The following RBM46 variants were observed in gnomAD, a reference collection of about 807,000 sequenced individuals.
RBM46 encodes the protein RNA binding motif protein 46.
Under a neutral mutation model 43.3 loss-of-function variants are expected in RBM46, and 12 were observed. That is an observed-to-expected ratio of 0.28 (90% CI 0.18 to 0.45). The LOEUF (loss-of-function observed/expected upper bound fraction) is 0.45, where lower values mean the gene tolerates loss of function less well. Ranked by LOEUF, RBM46 falls within the 20% of genes least tolerant of loss-of-function variation. The pLI, the probability that RBM46 is intolerant of heterozygous loss-of-function variation, is 1.00. For synonymous variants in RBM46, 205 were observed against 207.6 expected, an observed-to-expected ratio of 0.99 and a Z score of 0.11; for missense variants, 412 against 639.1, an observed-to-expected ratio of 0.64 and a Z score of 3.83.
intron 4 of RBM46, among the ~76,000 whole-genome samples, chr4:154,808,633 A>G (rs1366794959): frequency 2.6e-5 from 4 of 151,974 alleles, no homozygotes; most frequent in Admixed American, 6.6e-5. Flanking sequence ...GTAGTTACGA[A>G]TTTATGAAAG....
chr4:154,815,567 C>A (rs1735395050), intron 4 of RBM46, among the ~76,000 whole-genome samples: 1 of 151,952 alleles, frequency 6.6e-6, no homozygotes, highest in South Asian at 2.1e-4. Context: ...CGATATTGAT[C>A]ATCTTAGGAG....
intron 4 of RBM46, among the ~76,000 whole-genome samples, chr4:154,806,712 CTAAT>C (rs1734925111): frequency 6.6e-6 from 1 of 151,756 alleles, no homozygotes; most frequent in African/African-American, 2.4e-5. Context: ...ATAATGACAA[CTAAT>C]TGTTTTTCAG....
intron 4 of RBM46, among the ~76,000 whole-genome samples, chr4:154,818,509 A>G (rs1735573404): frequency 6.6e-6 from 1 of 152,052 alleles, no homozygotes; most frequent in Non-Finnish European, 1.5e-5. Flanking sequence ...AGCTACTTCT[A>G]CTATTTTCTT....
At chr4:154,801,604 C>A (rs949461123) in intron 4 of RBM46, among the ~76,000 whole-genome samples, 1 of 152,180 alleles carries the variant, frequency 6.6e-6, no homozygotes, top group Non-Finnish European at 1.5e-5. Flanking sequence ...TGTGTCTGAT[C>A]TACCATGCTA....
At chr4:154,803,234 A>G (rs913653742) in intron 4 of RBM46, among the ~76,000 whole-genome samples, 5 of 152,144 alleles carry the variant, frequency 3.3e-5, no homozygotes. Flanking sequence ...AGGAAGCTCT[A>G]TTTTAAGCAA....
chr4:154,804,014 C>CT (rs1734781054), intron 4 of RBM46, among the ~76,000 whole-genome samples: 1 of 152,168 alleles, frequency 6.6e-6, no homozygotes, highest in East Asian at 1.9e-4. Context: ...CACCTTCTTG[C>CT]TTTCGCTGTC....
At chr4:154,816,831 C>A (rs1198805406) in intron 4 of RBM46, among the ~76,000 whole-genome samples, 3 of 152,086 alleles carry the variant, frequency 2.0e-5, no homozygotes, top group Non-Finnish European at 4.4e-5. Flanking sequence ...AGTCGTTTAT[C>A]ACTTAAGATA....
At chr4:154,800,971 T>G (rs888879063) in intron 4 of RBM46, among the ~76,000 whole-genome samples, 1 of 148,662 alleles carries the variant, frequency 6.7e-6, no homozygotes, top group Admixed American at 7.0e-5. Flanking sequence ...GCCACTGCCA[T>G]AGTATTAGAA....
At chr4:154,814,246 T>C (rs1372746049) in intron 4 of RBM46, among the ~76,000 whole-genome samples, 1 of 152,082 alleles carries the variant, frequency 6.6e-6, no homozygotes, top group Non-Finnish European at 1.5e-5. Flanking sequence ...ATCCTATTCT[T>C]ATTCTCCACT....
intron 1 of RBM46, among the ~76,000 whole-genome samples, chr4:154,784,669 TTGTC>T (rs1200731349): frequency 2.0e-5 from 3 of 152,230 alleles, no homozygotes; most frequent in African/African-American, 7.2e-5. Context: ...CATTCCCACT[TTGTC>T]TGCAAAACCA....
intron 4 of RBM46, among the ~76,000 whole-genome samples, chr4:154,815,860 A>G (rs1419941743): frequency 6.6e-6 from 1 of 152,030 alleles, no homozygotes; most frequent in Non-Finnish European, 1.5e-5. Flanking sequence ...GGGTCATGAA[A>G]TATTTTCTTT....
intron 4 of RBM46, among the ~76,000 whole-genome samples, chr4:154,811,313 T>G (rs1028143732): frequency 6.6e-6 from 1 of 152,152 alleles, no homozygotes; most frequent in African/African-American, 2.4e-5. Context: ...GGGTTCACAT[T>G]CTAGCTTCAT....
At chr4:154,810,048 C>T (rs773913869) in intron 4 of RBM46, among the ~76,000 whole-genome samples, 70 of 152,052 alleles carry the variant, frequency 4.6e-4, no homozygotes, top group Non-Finnish European at 8.2e-4. Context: ...TTCTGAGGTA[C>T]TGGTAATTTC....
chr4:154,820,756 C>T (rs993212032), intron 4 of RBM46, among the ~76,000 whole-genome samples: 1 of 151,772 alleles, frequency 6.6e-6, no homozygotes, highest in Non-Finnish European at 1.5e-5. Flanking sequence ...ATACGACTCT[C>T]TTGTTTTTCA....
rs1386727317 is a variant in RBM46, at chr4:154,827,989, G to T, written c.1524G>T (p.Leu508Phe). ...SRPYSYPGYPLSPTISLANGS... is the reference protein window; with the variant it reads ...SRPYSYPGYPFSPTISLANGS... Reference sequence around the variant, plus strand: ...CTTATTCTTATCCAGGCTATCCTTTGTCACCAACAATATCACTTGCTAATG... The same window carrying T: ...CTTATTCTTATCCAGGCTATCCTTTTTCACCAACAATATCACTTGCTAATG... Residue 508 changes from leucine to phenylalanine, a missense_variant, in exon 5 of 5, where the codon TTG (leucine) becomes TTT (phenylalanine). Coordinates refer to ENST00000281722, the MANE Select transcript of RBM46 (RefSeq NM_144979.5). 1.2e-6 allele frequency: 2 copies of T among 1,613,918 alleles called. No homozygotes were observed. Among genetic ancestry groups the T allele is most frequent in the Non-Finnish European group, 1.7e-6 (2 of 1,179,892 alleles).
intron 4 of RBM46, among the ~76,000 whole-genome samples, chr4:154,804,321 T>G (rs1208693476): frequency 1.3e-5 from 2 of 152,222 alleles, no homozygotes; most frequent in African/African-American, 4.8e-5. Flanking sequence ...TCACTTATTT[T>G]TAAGTAAGTC....
At chr4:154,811,669 C>CTGTGTG (rs70947182) in intron 4 of RBM46, among the ~76,000 whole-genome samples, 13,231 of 130,640 alleles carry the variant, frequency 0.1, 634 homozygotes, top group Admixed American at 0.15. Flanking sequence ...GTGTGTGTGT[C>CTGTGTG]TGTGTGTGTG....
intron 4 of RBM46, among the ~76,000 whole-genome samples, chr4:154,801,244 A>G (rs1415424989): frequency 1.3e-5 from 2 of 152,054 alleles, no homozygotes; most frequent in African/African-American, 4.8e-5. Flanking sequence ...CTCCCAAAGT[A>G]TATTACAAAT....
chr4:154,821,050 A>G (rs531675911), intron 4 of RBM46, among the ~76,000 whole-genome samples: 32 of 151,850 alleles, frequency 2.1e-4, no homozygotes, highest in Non-Finnish European at 4.0e-4. Context: ...CAAAGGGGAT[A>G]ATAATAGTAC....
Sources: gnomAD v4.1 joint callset for allele counts (sites outside exome capture counted in the v4.1 genomes callset) on GRCh38, gnomAD v4.1.1 for gene constraint, MANE v1.5 for transcripts, NCBI Gene and HGNC (gene_info 2026-07-23, HGNC 2026-07-21) for gene names.